Variants in SLIT2 observed in about 807,000 individuals in gnomAD.
The protein encoded by SLIT2 is slit homolog 2 protein.
A neutral mutation model predicts 185.7 loss-of-function variants in SLIT2; 41 were observed. The observed-to-expected ratio is 0.22, with a 90% CI of 0.17 to 0.29. The LOEUF is 0.29. Among genes scored for constraint, SLIT2 ranks in the 10% least tolerant of loss-of-function variants. The pLI is 1.00. For synonymous variants in SLIT2, 693 were observed against 680.2 expected (o/e 1.02, Z -0.29); for missense variants, 1,571 against 1,909.0 (o/e 0.82, Z 3.30).
chr4:20,611,736 G>GT (rs2148982047), intron 34 of SLIT2, among the ~76,000 whole-genome samples: 1 of 152,312 alleles, frequency 6.6e-6, no homozygotes, highest in South Asian at 2.1e-4. Flanking sequence ...GCCCAACACA[G>GT]TGCTCCTTTT....
intron 4 of SLIT2, among the ~76,000 whole-genome samples, chr4:20,389,703 C>G (rs1725264611): frequency 6.6e-6 from 1 of 152,060 alleles, no homozygotes; most frequent in Admixed American, 6.6e-5. Flanking sequence ...ATTACATACT[C>G]CTATCTGGTA....
At chr4:20,297,716 A>C (rs1264336301) in intron 4 of SLIT2, among the ~76,000 whole-genome samples, 1 of 152,188 alleles carries the variant, frequency 6.6e-6, no homozygotes, top group African/African-American at 2.4e-5. Flanking sequence ...AGCAAAAATG[A>C]TATATTTGTG....
intron 9 of SLIT2, among the ~76,000 whole-genome samples, chr4:20,492,836 G>A (rs1008519882): frequency 5.3e-5 from 8 of 152,066 alleles, no homozygotes; most frequent in Non-Finnish European, 5.9e-5. Context: ...CTTATCTAAT[G>A]TACCTTATAT....
intron 4 of SLIT2, among the ~76,000 whole-genome samples, chr4:20,307,523 G>T (rs1476928400): frequency 6.6e-6 from 1 of 151,850 alleles, no homozygotes; most frequent in Non-Finnish European, 1.5e-5. Flanking sequence ...GCCTGCTAAA[G>T]TATTGGGATT....
chr4:20,575,875 A>G (rs1407670594), intron 29 of SLIT2, among the ~76,000 whole-genome samples: 3 of 151,892 alleles, frequency 2.0e-5, no homozygotes, highest in Admixed American at 6.6e-5. Context: ...CTTTTATCCC[A>G]TAAGGCAGGT....
intron 4 of SLIT2, among the ~76,000 whole-genome samples, chr4:20,417,436 G>GTATATGTATATATATATATATATATATA (rs1727773269): frequency 8.1e-6 from 1 of 123,678 alleles, no homozygotes; most frequent in Non-Finnish European, 1.8e-5. Flanking sequence ...ATGTGTGTGT[G>GTATATGTATATATATATATATATATATA]TATATATATA....
intron 4 of SLIT2, among the ~76,000 whole-genome samples, chr4:20,320,555 C>G (rs1208239716): frequency 2.6e-5 from 4 of 152,102 alleles, no homozygotes; most frequent in African/African-American, 9.7e-5. Context: ...ATGCATTTGT[C>G]ATGTTCTCGT....
chr4:20,372,395 G>A (rs1044535093), intron 4 of SLIT2, among the ~76,000 whole-genome samples: 1 of 151,768 alleles, frequency 6.6e-6, no homozygotes, highest in Non-Finnish European at 1.5e-5. Flanking sequence ...AAACTAAAGT[G>A]AGGAAAAGAA....
intron 3 of SLIT2, among the ~76,000 whole-genome samples, chr4:20,260,363 A>C (rs1026529207): frequency 6.6e-6 from 1 of 151,834 alleles, no homozygotes; most frequent in African/African-American, 2.4e-5. Flanking sequence ...TTAAAATTGG[A>C]ACTCAATTAT....
intron 4 of SLIT2, among the ~76,000 whole-genome samples, chr4:20,452,459 A>T (rs551615162): frequency 6.6e-6 from 1 of 152,214 alleles, no homozygotes; most frequent in African/African-American, 2.4e-5. Context: ...AATAAAATGG[A>T]CAGTTTCAAA....
chr4:20,259,913 A>T (rs756089096), intron 3 of SLIT2, among the ~76,000 whole-genome samples: 18 of 151,914 alleles, frequency 1.2e-4, no homozygotes, highest in African/African-American at 3.9e-4. Flanking sequence ...ACAACTGCCA[A>T]ATCCATCTGA....
intron 5 of SLIT2, among the ~76,000 whole-genome samples, chr4:20,473,420 A>G (rs894085494): frequency 1.7e-4 from 26 of 152,014 alleles, no homozygotes; most frequent in African/African-American, 6.3e-4. Flanking sequence ...CAAAAATATC[A>G]TTTGGAAAAT....
Position 20,610,127 on chromosome 4 carries a change from G to A in SLIT2, c.3807G>A (p.Lys1269=), listed in dbSNP as rs542341942. Reference sequence around the variant, plus strand: ...CCAAAATCATCACTAACTTGTCAAAGCAGTCCACTCTGAATTTTGACTCTC... The same window carrying A: ...CCAAAATCATCACTAACTTGTCAAAACAGTCCACTCTGAATTTTGACTCTC... ...GNPKIITNLS[K]QSTLNFDSPL... is the part of the protein sequence containing the mutation. The change falls in exon 34 of 37, where the codon AAG becomes AAA. Residue 1269 remains lysine (K), a synonymous_variant. Transcript: ENST00000504154. 3 of 1,613,702 alleles carry A rather than the reference G, an allele frequency of 1.9e-6. No individual in the cohort carries two copies. The highest frequency in any genetic ancestry group is 1.6e-4 in the Middle Eastern group (1 of 6,062).
At chr4:20,539,877 CT>C (rs1383931714) in intron 19 of SLIT2, among the ~76,000 whole-genome samples, 2 of 151,922 alleles carry the variant, frequency 1.3e-5, no homozygotes, top group African/African-American at 4.8e-5. Context: ...CTTGATAGTG[CT>C]GCATATAAAA....
At chr4:20,508,831 C>T (rs550013742) in intron 9 of SLIT2, among the ~76,000 whole-genome samples, 18 of 151,830 alleles carry the variant, frequency 1.2e-4, no homozygotes, top group African/African-American at 3.4e-4. Flanking sequence ...TCAAGAGCAA[C>T]GAAAACTGAG....
intron 9 of SLIT2, among the ~76,000 whole-genome samples, chr4:20,496,097 G>A (rs1047805609): frequency 6.6e-6 from 1 of 152,040 alleles, no homozygotes; most frequent in South Asian, 2.1e-4. Context: ...TCTCCACTGT[G>A]TGATATGTCT....
chr4:20,373,101 T>C (rs1174935868), intron 4 of SLIT2, among the ~76,000 whole-genome samples: 1 of 152,124 alleles, frequency 6.6e-6, no homozygotes, highest in East Asian at 1.9e-4. Context: ...AACTTACACA[T>C]CTGACTTTGA....
chr4:20,392,868 A>G (rs1725542301), intron 4 of SLIT2, among the ~76,000 whole-genome samples: 2 of 152,234 alleles, frequency 1.3e-5, no homozygotes, highest in South Asian at 4.1e-4. Context: ...GCCTTCTTCT[A>G]GAGTACCTCC....
At chr4:20,440,593 G>T (rs1729673554) in intron 4 of SLIT2, among the ~76,000 whole-genome samples, 1 of 152,118 alleles carries the variant, frequency 6.6e-6, no homozygotes, top group African/African-American at 2.4e-5. Flanking sequence ...AAATGGGACA[G>T]CTCCAAATTT....
Sources: allele counts gnomAD v4.1 joint callset (sites outside exome capture counted in the v4.1 genomes callset), GRCh38; gene constraint gnomAD v4.1.1; transcripts MANE v1.5; gene names NCBI Gene and HGNC (gene_info 2026-07-23, HGNC 2026-07-21).